CD2AP: variants seen among roughly 807,000 people sequenced by gnomAD.
CD2AP encodes the protein CD2-associated protein.
In CD2AP, 46 loss-of-function variants were observed where a neutral mutation model predicts 85.1. The observed-to-expected ratio is 0.54, with a 90% confidence interval of 0.43 to 0.69. CD2AP has a LOEUF of 0.69. Among genes scored for constraint, CD2AP ranks in the 30% least tolerant of loss-of-function variants. The probability of loss-of-function intolerance (pLI) is 0.00; values close to 1 mark genes in which losing one functional copy is unlikely to be tolerated. For synonymous variants in CD2AP, 255 were observed against 252.9 expected (o/e 1.01, Z -0.08); for missense variants, 769 against 729.5 (o/e 1.05, Z -0.62).
At chr6:47,601,689 G>T (rs1408412954) in intron 13 of CD2AP, among the ~76,000 whole-genome samples, 5 of 151,910 alleles carry the variant, frequency 3.3e-5, no homozygotes, top group Admixed American at 1.3e-4. Flanking sequence ...CTTCTGTGAT[G>T]TTAATACTTC....
intron 17 of CD2AP, among the ~76,000 whole-genome samples, chr6:47,616,932 C>CT (rs1207347814): frequency 1.3e-5 from 2 of 152,104 alleles, no homozygotes; most frequent in South Asian, 2.1e-4. Context: ...CCTATTGTCT[C>CT]TAACTTCTCC....
At chr6:47,602,521 A>C (rs1213424445) in intron 13 of CD2AP, among the ~76,000 whole-genome samples, 1 of 151,878 alleles carries the variant, frequency 6.6e-6, no homozygotes, top group Non-Finnish European at 1.5e-5. Context: ...TGTTATATTA[A>C]GAAAGCCCAA....
chr6:47,602,150 A>G (rs114377762), intron 13 of CD2AP, among the ~76,000 whole-genome samples: 1 of 152,144 alleles, frequency 6.6e-6, no homozygotes, highest in Non-Finnish European at 1.5e-5. Context: ...GTTTATGTGT[A>G]TATATAAACT....
chr6:47,588,645 C>G (rs1222613214), intron 11 of CD2AP, among the ~76,000 whole-genome samples: 2 of 152,056 alleles, frequency 1.3e-5, no homozygotes, highest in African/African-American at 2.4e-5. Flanking sequence ...AATTGAAAGT[C>G]TAGAAGTAGG....
chr6:47,540,014 C>CAAA (rs34425502), intron 3 of CD2AP, among the ~76,000 whole-genome samples: 1 of 144,094 alleles, frequency 6.9e-6, no homozygotes, highest in Non-Finnish European at 1.5e-5. Context: ...CCCATCTCTA[C>CAAA]AAAAAAAAAA....
At chr6:47,548,158 ACAAAC>A (rs980980059) in intron 4 of CD2AP, among the ~76,000 whole-genome samples, 94 of 152,176 alleles carry the variant, frequency 6.2e-4, no homozygotes, top group African/African-American at 2.2e-3. Flanking sequence ...AAAAAGAAGA[ACAAAC>A]CAAACCCAAA....
At chr6:47,600,634 T>G (rs1769103624) in intron 13 of CD2AP, among the ~76,000 whole-genome samples, 1 of 151,962 alleles carries the variant, frequency 6.6e-6, no homozygotes, top group African/African-American at 2.4e-5. Context: ...AGAAACTCAT[T>G]GAAATTTATT....
At position 47,583,586 on chromosome 6, in the gene CD2AP, C is replaced by A. The variant is rs553253851; in HGVS notation, c.1108+1521C>A. Among the ~76,000 whole-genome samples the A allele has an allele frequency of 1.8e-4, 27 of 152,288 alleles. No homozygotes were observed. In the South Asian group the frequency reaches 5.4e-3, roughly 30 times the overall value. On this transcript the variant is annotated intron_variant, in intron 11 of 17. Transcript: ENST00000359314. The stretch of plus-strand genomic sequence containing the variant: ...CCTTTAAAATTTCTCCGTATGTTTT[C>A]ATGGCTTGGGAGGCATATGTTGTTA...
At chr6:47,499,307 A>ATG (rs34508069) in intron 1 of CD2AP, among the ~76,000 whole-genome samples, 98,498 of 150,216 alleles carry the variant, frequency 0.66, 33,265 homozygotes, top group East Asian at 0.86. Flanking sequence ...GTGTATGTGC[A>ATG]TGTGTGTGTG....
chr6:47,624,051 T>C (rs1404306441), intron 17 of CD2AP, 135 bp from the exon 18 acceptor site: 8 of 722,728 alleles, frequency 1.1e-5, no homozygotes, highest in African/African-American at 1.8e-5. Context: ...AATTATAGCA[T>C]GGGAAACTGG....
intron 17 of CD2AP, among the ~76,000 whole-genome samples, chr6:47,620,756 C>T (rs1207135039): frequency 6.6e-6 from 1 of 152,084 alleles, no homozygotes; most frequent in Admixed American, 6.5e-5. Context: ...TAGAGGTCTT[C>T]TGACTCCTTG....
intron 5 of CD2AP, among the ~76,000 whole-genome samples, chr6:47,573,215 A>G (rs1014134777): frequency 6.6e-6 from 1 of 152,140 alleles, no homozygotes; most frequent in Admixed American, 6.5e-5. Context: ...GTTAAACTTA[A>G]AAATTTTTTA....
At chr6:47,511,928 G>T (rs972333773) in intron 2 of CD2AP, among the ~76,000 whole-genome samples, 1 of 152,152 alleles carries the variant, frequency 6.6e-6, no homozygotes, top group African/African-American at 2.4e-5. Context: ...GGAGGCCGAG[G>T]TGGGCGGATC....
At chr6:47,514,611 A>G (rs1445697107) in intron 2 of CD2AP, among the ~76,000 whole-genome samples, 1 of 152,210 alleles carries the variant, frequency 6.6e-6, no homozygotes, top group Non-Finnish European at 1.5e-5. Context: ...TGGTGAGAAG[A>G]ATCTTTCCCA....
At chr6:47,588,065 TTC>T (rs1371767420) in intron 11 of CD2AP, among the ~76,000 whole-genome samples, 3 of 152,172 alleles carry the variant, frequency 2.0e-5, no homozygotes, top group Admixed American at 6.6e-5. Context: ...ATTTCATACT[TTC>T]TGTCTAAAAT....
At chr6:47,585,465 G>A (rs1395282160) in intron 11 of CD2AP, among the ~76,000 whole-genome samples, 1 of 152,194 alleles carries the variant, frequency 6.6e-6, no homozygotes, top group Non-Finnish European at 1.5e-5. Context: ...ACATCAGACA[G>A]TATAAGTCAC....
chr6:47,496,712 C>T (rs1765865673), intron 1 of CD2AP, among the ~76,000 whole-genome samples: 1 of 152,182 alleles, frequency 6.6e-6, no homozygotes, highest in African/African-American at 2.4e-5. Flanking sequence ...CTTCTATTCT[C>T]ATTCTCCATA....
At chr6:47,518,610 G>A (rs1337411004) in intron 2 of CD2AP, among the ~76,000 whole-genome samples, 3 of 152,190 alleles carry the variant, frequency 2.0e-5, no homozygotes, top group Admixed American at 6.5e-5. Context: ...CATAAACAAT[G>A]ATATATGCCT....
At chr6:47,590,281 A>G (rs1410099656) in intron 11 of CD2AP, among the ~76,000 whole-genome samples, 2 of 152,102 alleles carry the variant, frequency 1.3e-5, no homozygotes, top group Non-Finnish European at 2.9e-5. Flanking sequence ...GAACCTTGTA[A>G]GTATATATGA....
Sources: allele counts gnomAD v4.1 joint callset (sites outside exome capture counted in the v4.1 genomes callset), GRCh38; gene constraint gnomAD v4.1.1; transcripts MANE v1.5; gene names NCBI Gene and HGNC (gene_info 2026-07-23, HGNC 2026-07-21).